Variants in SLIT3 observed in about 807,000 individuals in gnomAD.
SLIT3 encodes the protein slit homolog 3 protein.
SLIT3 carries 68 observed loss-of-function variants against 184.0 expected under a neutral mutation model. The ratio of observed to expected loss-of-function variants is 0.37; its 90% CI spans 0.30 to 0.45. The LOEUF is 0.45. SLIT3 is among the 20% of genes least tolerant of loss of function. SLIT3 has a pLI of 1.00. For missense variants in SLIT3, 1,707 were observed against 2,026.0 expected (o/e 0.84, Z 3.02); for synonymous variants, 831 against 828.6 (o/e 1.00, Z -0.05).
At chr5:169,189,527 GATATATATATATATAT>G (rs4042723) in intron 4 of SLIT3, among the ~76,000 whole-genome samples, 4,254 of 80,136 alleles carry the variant, frequency 0.053, 159 homozygotes, top group Non-Finnish European at 0.069. Flanking sequence ...AGATAGATGG[GATATATATATATATAT>G]ATATATATAT....
intron 5 of SLIT3, among the ~76,000 whole-genome samples, chr5:168,851,994 T>C (rs1487114220): frequency 6.6e-6 from 1 of 152,200 alleles, no homozygotes; most frequent in Non-Finnish European, 1.5e-5. Context: ...CATTGGGCCT[T>C]GCATTCTCTG....
At chr5:169,208,001 G>A (rs533891274) in intron 3 of SLIT3, among the ~76,000 whole-genome samples, 2 of 152,070 alleles carry the variant, frequency 1.3e-5, no homozygotes, top group Non-Finnish European at 2.9e-5. Flanking sequence ...ATAGCAGCTG[G>A]AATGGACTAA....
chr5:168,738,029 T>C (rs966235097), intron 20 of SLIT3, among the ~76,000 whole-genome samples: 2 of 152,206 alleles, frequency 1.3e-5, no homozygotes, highest in African/African-American at 2.4e-5. Flanking sequence ...AATTAGGAAC[T>C]TCGTGCTGAC....
At chr5:168,697,204 C>A (rs920555707) in intron 27 of SLIT3, among the ~76,000 whole-genome samples, 1 of 152,208 alleles carries the variant, frequency 6.6e-6, no homozygotes, top group African/African-American at 2.4e-5. Flanking sequence ...GGGATGAAGG[C>A]TAGAGTGGGA....
At chr5:168,836,007 A>C (rs1485756893) in intron 6 of SLIT3, among the ~76,000 whole-genome samples, 1 of 152,132 alleles carries the variant, frequency 6.6e-6, no homozygotes, top group Non-Finnish European at 1.5e-5. Flanking sequence ...AGCTCAGGGA[A>C]AAGTAGCAAT....
intron 6 of SLIT3, among the ~76,000 whole-genome samples, chr5:168,826,347 C>T (rs1053597691): frequency 1.3e-5 from 2 of 152,188 alleles, no homozygotes; most frequent in Admixed American, 6.5e-5. Context: ...CTGATTGCTA[C>T]GACAGCTACA....
At chr5:169,029,519 T>C (rs1402887063) in intron 4 of SLIT3, among the ~76,000 whole-genome samples, 2 of 152,192 alleles carry the variant, frequency 1.3e-5, no homozygotes, top group African/African-American at 2.4e-5. Flanking sequence ...TGAGAACCAC[T>C]AAGTTAATTG....
chr5:168,942,205 C>A (rs1762355265), intron 4 of SLIT3, among the ~76,000 whole-genome samples: 1 of 152,080 alleles, frequency 6.6e-6, no homozygotes, highest in Admixed American at 6.6e-5. Context: ...AAAAGAAGCT[C>A]CTTTATCTGC....
At chr5:168,789,409 A>C (rs991332683) in intron 11 of SLIT3, 151 bp downstream of exon 11, 3 of 598,592 alleles carry the variant, frequency 5.0e-6, no homozygotes, top group Non-Finnish European at 9.1e-6. Flanking sequence ...ATTTCCCCTG[A>C]AGAAATATTT....
rs759020436 is a variant in SLIT3 at position 169,224,377 on chromosome 5, A to ATT, written c.341+20326_341+20327dup. ...ATTTAAAATTTTTTATTATTTATTT[A>ATT]TTTATTTATTTTTTTTGAGACTAGG... On this transcript the variant is annotated intron_variant, in intron 3 of 35. Coordinates refer to ENST00000519560, the MANE Select transcript of SLIT3 (RefSeq NM_003062.4). Among the ~76,000 whole-genome samples the ATT allele has an allele frequency of 5.5e-5, 5 of 90,488 alleles. 1 individual carries two copies. Among genetic ancestry groups the ATT allele is most frequent in the Middle Eastern group, 0.013 (2 of 160 alleles). 59.4% of individuals were successfully genotyped at this position (90,488 alleles called of 152,430 possible).
At chr5:169,159,631 T>C (rs572930794) in intron 4 of SLIT3, among the ~76,000 whole-genome samples, 3 of 151,996 alleles carry the variant, frequency 2.0e-5, no homozygotes, top group Non-Finnish European at 2.9e-5. Flanking sequence ...CAAAAATTAG[T>C]TGGGCGTGGT....
chr5:169,093,595 C>T (rs1021259005), intron 4 of SLIT3, among the ~76,000 whole-genome samples: 1 of 152,202 alleles, frequency 6.6e-6, no homozygotes, highest in Non-Finnish European at 1.5e-5. Flanking sequence ...CCTGCCCCAA[C>T]TTATGGGAAG....
intron 32 of SLIT3, among the ~76,000 whole-genome samples, chr5:168,674,487 C>CA (rs1761349728): frequency 7.3e-6 from 1 of 136,710 alleles, no homozygotes; most frequent in Non-Finnish European, 1.5e-5. Flanking sequence ...ATGGGATATT[C>CA]ACTTTTTTTT....
chr5:169,026,789 T>A (rs1235835936), intron 4 of SLIT3, among the ~76,000 whole-genome samples: 18 of 146,340 alleles, frequency 1.2e-4, no homozygotes, highest in Admixed American at 1.2e-3. Context: ...ATGAATACTA[T>A]CATCAGAAAA....
chr5:169,039,378 G>A (rs1268043438), intron 4 of SLIT3, among the ~76,000 whole-genome samples: 1 of 148,968 alleles, frequency 6.7e-6, no homozygotes, highest in Non-Finnish European at 1.5e-5. Context: ...GTGCAGTGGC[G>A]CCATCTCAGC....
intron 4 of SLIT3, among the ~76,000 whole-genome samples, chr5:169,151,191 T>TCCTTG (rs1215898758): frequency 6.6e-6 from 1 of 152,164 alleles, no homozygotes; most frequent in African/African-American, 2.4e-5. Context: ...AGCAAGTGAT[T>TCCTTG]CCTTGCCTTG....
chr5:169,027,223 C>T (rs1756863869), intron 4 of SLIT3, among the ~76,000 whole-genome samples: 1 of 152,158 alleles, frequency 6.6e-6, no homozygotes, highest in Admixed American at 6.6e-5. Context: ...GCTGCACAGG[C>T]TACATTTAGG....
chr5:168,806,146 C>A (rs543645256), intron 9 of SLIT3, among the ~76,000 whole-genome samples: 1 of 152,306 alleles, frequency 6.6e-6, no homozygotes, highest in East Asian at 1.9e-4. Context: ...CATATGAGAC[C>A]AGCCACAGGC....
chr5:168,785,580 T>G (rs1756124202), intron 12 of SLIT3, among the ~76,000 whole-genome samples: 1 of 152,232 alleles, frequency 6.6e-6, no homozygotes, highest in Admixed American at 6.5e-5. Flanking sequence ...CTTAGCACAC[T>G]ACTGAAAAAT....
Sources: allele counts gnomAD v4.1 joint callset (sites outside exome capture counted in the v4.1 genomes callset), GRCh38; gene constraint gnomAD v4.1.1; transcripts MANE v1.5; gene names NCBI Gene and HGNC (gene_info 2026-07-23, HGNC 2026-07-21).